Variants in NTN4 observed in about 807,000 individuals in gnomAD.
NTN4 encodes the protein netrin 4, also known as netrin-4.
Under a neutral mutation model 73.6 loss-of-function variants are expected in NTN4, and 32 were observed. The observed-to-expected ratio is 0.44, with a 90% CI of 0.33 to 0.58. The LOEUF (loss-of-function observed/expected upper bound fraction) is 0.58, where lower values mean the gene tolerates loss of function less well. NTN4 is among the 20% of genes least tolerant of loss of function. The pLI is 0.04. For missense variants in NTN4, 654 were observed against 798.3 expected (o/e 0.82, Z 2.18); for synonymous variants, 258 against 287.5 (o/e 0.90, Z 1.04).
At chr12:95,718,496 T>C (rs141253768) in intron 3 of NTN4, among the ~76,000 whole-genome samples, 1,959 of 152,356 alleles carry the variant, frequency 0.013, 16 homozygotes, top group Non-Finnish European at 0.021. Flanking sequence ...TAAGGTTCTA[T>C]GATTTCAAGG....
chr12:95,711,854 A>T (rs1371198411), intron 4 of NTN4, among the ~76,000 whole-genome samples: 15 of 152,220 alleles, frequency 9.9e-5, no homozygotes, highest in Non-Finnish European at 1.8e-4. Context: ...GATTTAGAAT[A>T]AGAATCCAGA....
At chr12:95,737,730 G>T in intron 3 of NTN4, 136 bp downstream of exon 3, 1 of 735,988 alleles carries the variant, frequency 1.4e-6, no homozygotes, top group Non-Finnish European at 2.2e-6. Flanking sequence ...GCACTTTATA[G>T]GATGAGTATG....
At position 95,781,175 on chromosome 12, in the gene NTN4, G is replaced by A. The variant is rs1406935071; in HGVS notation, c.585+5764C>T. On this transcript the variant is annotated intron_variant, in intron 2 of 9. Transcript: ENST00000343702. This position sits in a 1 kb window ranked among gnomAD's most constrained non-coding sequence, Gnocchi z 4.1. ...TTGTGGGGTTGGGGGAGCAGGGAGG[G>A]ATAGCATTAAGAGATATACCTTATG... Among the ~76,000 whole-genome samples the A allele has an allele frequency of 1.3e-5, 2 of 152,122 alleles. No homozygotes were observed. The highest frequency in any genetic ancestry group is 3.9e-4 in the East Asian group (2 of 5,192).
chr12:95,761,650 T>A (rs2078989148), intron 2 of NTN4, among the ~76,000 whole-genome samples: 1 of 152,122 alleles, frequency 6.6e-6, no homozygotes, highest in Non-Finnish European at 1.5e-5. Flanking sequence ...GATAGTCTTA[T>A]AAGTAAAGTG....
chr12:95,752,138 C>T (rs551602122), intron 2 of NTN4, among the ~76,000 whole-genome samples: 20 of 152,154 alleles, frequency 1.3e-4, no homozygotes, highest in Non-Finnish European at 2.2e-4. Flanking sequence ...ACCCTTACCC[C>T]ACTCAACGCC....
intron 3 of NTN4, among the ~76,000 whole-genome samples, chr12:95,715,348 T>A (rs560528346): frequency 7.9e-5 from 12 of 152,286 alleles, no homozygotes; most frequent in East Asian, 3.9e-4. Flanking sequence ...ACAGATTTTT[T>A]AAAAATAGGG....
chr12:95,783,510 T>C (rs2079146956), intron 2 of NTN4, among the ~76,000 whole-genome samples: 1 of 152,126 alleles, frequency 6.6e-6, no homozygotes, highest in Admixed American at 6.5e-5. Flanking sequence ...CATCTCCAAA[T>C]GAATAGCAGC....
intron 2 of NTN4, among the ~76,000 whole-genome samples, chr12:95,774,881 G>A (rs1202539884): frequency 6.6e-6 from 1 of 152,202 alleles, no homozygotes; most frequent in African/African-American, 2.4e-5. Context: ...TGAAGGAACG[G>A]AATGTGTATA....
In NTN4 at chr12:95,781,681, T is replaced by C. The variant is rs1373017076; in HGVS notation, c.585+5258A>G. ...CATGTCATTTCTATTTCTCCATTTG[T>C]TTATGTTCCCCATTTCTTTTTTCTG... On this transcript the variant is annotated intron_variant, in intron 2 of 9. Transcript: ENST00000343702. This position sits in a 1 kb window ranked among gnomAD's most constrained non-coding sequence, Gnocchi z 4.1. Among the ~76,000 whole-genome samples the C allele has an allele frequency of 6.6e-6, 1 of 152,220 alleles. No homozygotes were observed. Among genetic ancestry groups the C allele is most frequent in the African/African-American group, 2.4e-5 (1 of 41,458 alleles).
At chr12:95,764,998 C>A (rs1214511282) in intron 2 of NTN4, among the ~76,000 whole-genome samples, 2 of 152,210 alleles carry the variant, frequency 1.3e-5, no homozygotes, top group Non-Finnish European at 2.9e-5. Flanking sequence ...CTTGTTCACT[C>A]ACTCACTGTA....
At chr12:95,733,975 CATG>C (rs2078756993) in intron 3 of NTN4, among the ~76,000 whole-genome samples, 1 of 148,814 alleles carries the variant, frequency 6.7e-6, no homozygotes, top group South Asian at 2.1e-4. Flanking sequence ...GAGGCTGAGG[CATG>C]AGAATTGCTT....
At chr12:95,785,631 C>T (rs1018769610) in intron 2 of NTN4, among the ~76,000 whole-genome samples, 1 of 152,102 alleles carries the variant, frequency 6.6e-6, no homozygotes, top group African/African-American at 2.4e-5. Context: ...GAAAGGAGGC[C>T]CCAAACCAAC....
At chr12:95,759,850 C>G (rs997975496) in intron 2 of NTN4, among the ~76,000 whole-genome samples, 51 of 152,268 alleles carry the variant, frequency 3.3e-4, no homozygotes, top group African/African-American at 1.2e-3. Context: ...TTCCATTTCT[C>G]TCTTCCACAT....
chr12:95,683,065 T>TTGTTG (rs1471629797), intron 6 of NTN4, among the ~76,000 whole-genome samples: 2 of 152,000 alleles, frequency 1.3e-5, no homozygotes, highest in Admixed American at 6.6e-5. Context: ...TGGTTTTGTT[T>TTGTTG]TGTTTTGTTT....
chr12:95,752,098 C>T (rs2078912676), intron 2 of NTN4, among the ~76,000 whole-genome samples: 2 of 151,792 alleles, frequency 1.3e-5, no homozygotes, highest in Non-Finnish European at 2.9e-5. Flanking sequence ...TCCCTCCTTG[C>T]ACCTCTTACC....
At chr12:95,665,705 G>T in intron 9 of NTN4, 105 bp downstream of exon 9, 1 of 807,958 alleles carries the variant, frequency 1.2e-6, no homozygotes, top group Non-Finnish European at 1.9e-6. Flanking sequence ...GAAAGGGAGA[G>T]ATGTTCTTGC....
At chr12:95,670,509 A>G (rs927183925) in intron 7 of NTN4, 1 of 163,434 alleles carries the variant, frequency 6.1e-6, no homozygotes, top group African/African-American at 2.4e-5. Flanking sequence ...CACCACCACA[A>G]AAGTGAAATT....
chr12:95,694,505 C>T (rs2121031159), intron 5 of NTN4, among the ~76,000 whole-genome samples: 1 of 152,206 alleles, frequency 6.6e-6, no homozygotes, highest in Non-Finnish European at 1.5e-5. Flanking sequence ...GAGATGATTT[C>T]GAGACACAGC....
At chr12:95,706,485 T>C (rs975528323) in intron 5 of NTN4, among the ~76,000 whole-genome samples, 1 of 152,190 alleles carries the variant, frequency 6.6e-6, no homozygotes, top group Non-Finnish European at 1.5e-5. Flanking sequence ...TAAAGTAAAA[T>C]GCAATGAATA....
Sources: gnomAD v4.1 joint callset for allele counts (sites outside exome capture counted in the v4.1 genomes callset) on GRCh38, gnomAD v4.1.1 for gene constraint, Gnocchi (gnomAD v3.1) non-coding constraint, MANE v1.5 for transcripts, NCBI Gene and HGNC (gene_info 2026-07-23, HGNC 2026-07-21) for gene names.